The following CLIP1 variants were observed in gnomAD, a reference collection of about 807,000 sequenced individuals.
CLIP1 encodes the protein CAP-Gly domain-containing linker protein 1.
Under a neutral mutation model 161.6 loss-of-function variants are expected in CLIP1, and 66 were observed. The observed-to-expected ratio is 0.41, with a 90% CI of 0.33 to 0.50. The LOEUF is 0.50. Among genes scored for constraint, CLIP1 ranks in the 20% least tolerant of loss-of-function variants. The pLI is 0.27. For synonymous variants in CLIP1, 598 were observed against 626.2 expected (o/e 0.96, Z 0.67); for missense variants, 1,376 against 1,702.0 (o/e 0.81, Z 3.37).
intron 11 of CLIP1, among the ~76,000 whole-genome samples, chr12:122,338,894 T>C (rs915044259): frequency 1.3e-5 from 2 of 152,376 alleles, no homozygotes; most frequent in South Asian, 2.1e-4. Context: ...AAAAATTTCC[T>C]GTAACCAGTT....
intron 15 of CLIP1, among the ~76,000 whole-genome samples, chr12:122,330,173 G>A (rs1951883238): frequency 6.6e-6 from 1 of 152,024 alleles, no homozygotes; most frequent in African/African-American, 2.4e-5. Flanking sequence ...CAGACTATTA[G>A]ATGAATCACA....
intron 20 of CLIP1, among the ~76,000 whole-genome samples, chr12:122,309,370 G>A (rs1335109794): frequency 4.6e-5 from 7 of 151,950 alleles, no homozygotes. Flanking sequence ...CTATATTCTT[G>A]GAATCTGTTT....
chr12:122,343,425 G>A (rs1325043539), intron 10 of CLIP1: 4 of 152,090 alleles, frequency 2.6e-5, no homozygotes, highest in Admixed American at 6.6e-5. Flanking sequence ...GAGCCACCAC[G>A]CCTGGCCTAC....
chr12:122,404,041 C>T (rs115532121), intron 1 of CLIP1, among the ~76,000 whole-genome samples: 1 of 152,146 alleles, frequency 6.6e-6, no homozygotes, highest in Non-Finnish European at 1.5e-5. Context: ...GTAGAATACC[C>T]GGTAAGCGCA....
chr12:122,292,153 G>T (rs1489346078), intron 20 of CLIP1, among the ~76,000 whole-genome samples: 3 of 151,654 alleles, frequency 2.0e-5, no homozygotes, highest in African/African-American at 4.9e-5. Context: ...CACCACGCCA[G>T]GCTAATTTTT....
intron 5 of CLIP1, among the ~76,000 whole-genome samples, chr12:122,357,220 C>CT (rs1187875446): frequency 6.8e-6 from 1 of 147,694 alleles, no homozygotes; most frequent in Non-Finnish European, 1.5e-5. Context: ...CGCCCATCGT[C>CT]TGAGATGTGG....
intron 15 of CLIP1, among the ~76,000 whole-genome samples, chr12:122,331,369 C>T (rs1285417788): frequency 6.6e-6 from 1 of 151,704 alleles, no homozygotes; most frequent in East Asian, 2.0e-4. Context: ...GGCTGGAGTG[C>T]GGCAGCATGA....
intron 1 of CLIP1, among the ~76,000 whole-genome samples, chr12:122,418,670 G>A (rs1469570233): frequency 6.6e-6 from 1 of 152,084 alleles, no homozygotes; most frequent in Non-Finnish European, 1.5e-5. Context: ...GAAGTGGGAG[G>A]ACTGCTTGAG....
intron 10 of CLIP1, 123 bp from the exon 11 acceptor site, chr12:122,341,820 C>G (rs1456447750): frequency 1.0e-5 from 6 of 586,964 alleles, no homozygotes; most frequent in African/African-American, 5.3e-5. Context: ...TTTCGCTCTT[C>G]TTACCCAGGC....
At chr12:122,344,270 G>A (rs538726258) in intron 10 of CLIP1, among the ~76,000 whole-genome samples, 87 of 152,252 alleles carry the variant, frequency 5.7e-4, no homozygotes, top group African/African-American at 2.0e-3. Context: ...AAATATTTCA[G>A]AGCTGACTAT....
At chr12:122,379,035 G>A (rs981576238) in intron 2 of CLIP1, among the ~76,000 whole-genome samples, 6 of 152,064 alleles carry the variant, frequency 3.9e-5, no homozygotes, top group Non-Finnish European at 8.8e-5. Context: ...TGAGGCAGGA[G>A]AATCGCTTGC....
At chr12:122,397,612 C>T (rs145852164) in intron 1 of CLIP1, among the ~76,000 whole-genome samples, 1 of 147,698 alleles carries the variant, frequency 6.8e-6, no homozygotes, top group Non-Finnish European at 1.5e-5. Flanking sequence ...TGAATCACCT[C>T]TCCCCATTTT....
chr12:122,361,224 A>G (rs749642810), intron 4 of CLIP1, 43 bp from the exon 5 acceptor site: 1 of 1,478,022 alleles, frequency 6.8e-7, no homozygotes, highest in South Asian at 1.2e-5. Flanking sequence ...CAACTTAATC[A>G]CAAGAAATAA....
At chr12:122,354,954 C>A (rs1343264859) in intron 6 of CLIP1, 161 bp downstream of exon 6, 5 of 652,646 alleles carry the variant, frequency 7.7e-6, no homozygotes, top group Non-Finnish European at 1.3e-5. Context: ...TGGAAACTGG[C>A]ACCCCAGACT....
chr12:122,373,299 G>A (rs1037246404), intron 3 of CLIP1, among the ~76,000 whole-genome samples: 1 of 151,766 alleles, frequency 6.6e-6, no homozygotes, highest in Non-Finnish European at 1.5e-5. Flanking sequence ...GGTGGCGCAC[G>A]TCTGTAGTCC....
rs80274272 is a variant in CLIP1 at position 122,344,510 on chromosome 12, A to G, written c.1507-2813T>C. Reference sequence around the variant, plus strand: ...CTGTAGCATAAATACATTAAACCCAATAGGGCAATGGTTCTTAGTTACAAC... The same window carrying G: ...CTGTAGCATAAATACATTAAACCCAGTAGGGCAATGGTTCTTAGTTACAAC... On this transcript the variant is annotated intron_variant, in intron 10 of 25. Coordinates refer to ENST00000620786, the MANE Select transcript of CLIP1 (RefSeq NM_001247997.2). Among the ~76,000 whole-genome samples the G allele has an allele frequency of 5.3e-5, 8 of 152,334 alleles. No homozygotes were observed. The East Asian group carries it at 1.5e-3, about 29-fold the overall frequency.
chr12:122,344,105 C>A (rs1952635088), intron 10 of CLIP1: 2 of 152,170 alleles, frequency 1.3e-5, no homozygotes, highest in Admixed American at 6.6e-5. Context: ...TCCCACACTG[C>A]CTTTCTTTGA....
intron 1 of CLIP1, among the ~76,000 whole-genome samples, chr12:122,391,564 G>A (rs1312574388): frequency 6.6e-6 from 1 of 152,128 alleles, no homozygotes; most frequent in Non-Finnish European, 1.5e-5. Flanking sequence ...CCAGCCTGGG[G>A]CACAGAAGCG....
At position 122,334,681 on chromosome 12, in the gene CLIP1, C is replaced by A; in HGVS notation, c.2593G>T (p.Glu865Ter). Residue 865 changes from glutamate to a stop codon, truncating the protein, a stop_gained, in exon 13 of 26, where the codon GAG (glutamate) becomes TAG (stop). Coordinates refer to ENST00000620786, the MANE Select transcript of CLIP1 (RefSeq NM_001247997.2). LOFTEE classifies it high-confidence loss of function. ...ILKEKFAEAS[E>*]EAVSVQRSMQ... Reference sequence around the variant, plus strand: ...CTTCTCTGAACAGAGACTGCCTCCTCTGAAGCTTCAGCAAACTTTTCTTTC... The same window carrying A: ...CTTCTCTGAACAGAGACTGCCTCCTATGAAGCTTCAGCAAACTTTTCTTTC... 6.3e-7 allele frequency: 1 copy of A among 1,587,354 alleles called. No homozygotes were observed. The highest frequency in any genetic ancestry group is 2.2e-5 in the East Asian group (1 of 44,478).
Sources: gnomAD v4.1 joint callset for allele counts (sites outside exome capture counted in the v4.1 genomes callset) on GRCh38, gnomAD v4.1.1 for gene constraint, MANE v1.5 for transcripts, NCBI Gene and HGNC (gene_info 2026-07-23, HGNC 2026-07-21) for gene names.